The following GPR89A variants were observed in gnomAD, a reference collection of about 807,000 sequenced individuals.
The protein encoded by GPR89A is golgi pH regulator A.
Under a neutral mutation model 52.0 loss-of-function variants are expected in GPR89A, and 16 were observed. The ratio of observed to expected loss-of-function variants is 0.31; its 90% CI spans 0.21 to 0.47. The LOEUF is 0.47. Among genes scored for constraint, GPR89A ranks in the 20% least tolerant of loss-of-function variants. The pLI is 1.00. For synonymous variants in GPR89A, 55 were observed against 150.9 expected (o/e 0.36, Z 4.66); for missense variants, 135 against 449.4 (o/e 0.30, Z 6.33).
chr1:145,613,152 C>T (rs1265092207), intron 1 of GPR89A, among the ~76,000 whole-genome samples: 3 of 151,068 alleles, frequency 2.0e-5, no homozygotes, highest in African/African-American at 7.4e-5. Context: ...CCCTCAGGCC[C>T]TTAGTGTGTT....
chr1:145,660,529 T>C (rs1652119748), intron 10 of GPR89A, among the ~76,000 whole-genome samples: 1 of 151,706 alleles, frequency 6.6e-6, no homozygotes, highest in Non-Finnish European at 1.5e-5. Context: ...ACCTACAGAA[T>C]GGGAGAAAAT....
intron 7 of GPR89A, among the ~76,000 whole-genome samples, chr1:145,642,811 A>T (rs587755743): frequency 6.6e-6 from 1 of 151,356 alleles, no homozygotes; most frequent in South Asian, 2.1e-4. Flanking sequence ...TAAACCCTTT[A>T]AATCAATTAT....
rs1319931457 is a variant in GPR89A at position 145,619,887 on chromosome 1, C to T, written c.206+1464C>T. Among the ~76,000 whole-genome samples the T allele has an allele frequency of 5.3e-5, 8 of 151,926 alleles. No individual in the cohort carries two copies. The South Asian group carries it at 6.2e-4, about 12-fold the overall frequency. The stretch of plus-strand genomic sequence containing the variant: ...AAAATTAGCTGGGCGTGGTGGTGGG[C>T]GCCTGTAGTCCCAGCTACTTGGGGG... On this transcript the variant is annotated intron_variant, in intron 3 of 13. Coordinates refer to ENST00000313835, the MANE Select transcript of GPR89A (RefSeq NM_001097612.2).
At chr1:145,626,009 G>A (rs1238672495) in intron 5 of GPR89A, among the ~76,000 whole-genome samples, 1 of 150,308 alleles carries the variant, frequency 6.7e-6, no homozygotes, top group Admixed American at 6.6e-5. Context: ...AGTGGTAGAT[G>A]AGTTTACTAC....
At position 145,648,821 on chromosome 1, in the gene GPR89A, A is replaced by T. The variant is rs1553693088; in HGVS notation, c.909+1554A>T. ...TTCTTTTTTTTTTTTTTTTTTGTTG[A>T]AGACGGAGTCTCTCTCTGTCTCCCA... On this transcript the variant is annotated intron_variant, in intron 10 of 13. Coordinates refer to ENST00000313835, the MANE Select transcript of GPR89A (RefSeq NM_001097612.2). Among the ~76,000 whole-genome samples, 6 of 13,448 alleles carry T rather than the reference A, an allele frequency of 4.5e-4. No individual in the cohort carries two copies. In the East Asian group the frequency reaches 7.1e-3, roughly 16 times the overall value. 8.8% of individuals were successfully genotyped at this position (13,448 alleles called of 152,430 possible). A position where few individuals can be genotyped will look rare whatever the true frequency, so the allele number is the denominator to read the frequency against.
intron 1 of GPR89A, among the ~76,000 whole-genome samples, chr1:145,609,964 T>C (rs1648135469): frequency 6.6e-6 from 1 of 152,216 alleles, no homozygotes; most frequent in African/African-American, 2.4e-5. Flanking sequence ...CCATTTCGGC[T>C]GCCTTCTTCC....
chr1:145,661,699 T>C, intron 10 of GPR89A, among the ~76,000 whole-genome samples: 1 of 151,088 alleles, frequency 6.6e-6, no homozygotes. Flanking sequence ...TTTCTTCTGC[T>C]TATTTTGAGT....
At chr1:145,653,006 A>G (rs1553693832) in intron 10 of GPR89A, among the ~76,000 whole-genome samples, 1 of 122,504 alleles carries the variant, frequency 8.2e-6, no homozygotes, top group Non-Finnish European at 1.6e-5. Context: ...GTTATTTCTT[A>G]TATTCTGCTA....
At chr1:145,665,470 C>G (rs1652492551) in intron 11 of GPR89A, 92 bp from the exon 12 acceptor site, 2 of 1,567,776 alleles carry the variant, frequency 1.3e-6, no homozygotes, top group Middle Eastern at 4.6e-4. Context: ...AAAGCTCCCT[C>G]TCACAGTCAT....
chr1:145,615,499 AC>A (rs1474585768), intron 1 of GPR89A, among the ~76,000 whole-genome samples: 4 of 150,654 alleles, frequency 2.7e-5, no homozygotes, highest in Admixed American at 2.6e-4. Flanking sequence ...ACACCCCACC[AC>A]CCCCAGCTAA....
chr1:145,614,627 C>T (rs1553686665), intron 1 of GPR89A, among the ~76,000 whole-genome samples: 2 of 151,286 alleles, frequency 1.3e-5, no homozygotes, highest in Non-Finnish European at 3.0e-5. Flanking sequence ...TTTTTGTCCT[C>T]ATAGAGCTTA....
intron 10 of GPR89A, among the ~76,000 whole-genome samples, chr1:145,655,484 G>A (rs587759367): frequency 1.3e-5 from 2 of 152,074 alleles, no homozygotes; most frequent in African/African-American, 2.4e-5. Flanking sequence ...TGGGGTTTTT[G>A]TGGGGTCTTT....
At chr1:145,611,701 A>G (rs1166767676) in intron 1 of GPR89A, 1 of 149,176 alleles carries the variant, frequency 6.7e-6, no homozygotes, top group Non-Finnish European at 1.5e-5. Context: ...TTTTTTAATC[A>G]TCCATTTCCA....
rs587617697 is a variant in GPR89A, at chr1:145,613,821, C to G, written c.43-2413C>G. 4.6e-5 allele frequency among the ~76,000 whole-genome samples: 7 copies of G among 151,622 alleles called. No individual in the cohort carries two copies. The East Asian group carries it at 9.7e-4, about 21-fold the overall frequency. Reference sequence around the variant, plus strand: ...TTTTGTTTTGAGACAGGGTTTCGCTCTGTCACCCAGGCTGGAATGCAGTGA... The same window carrying G: ...TTTTGTTTTGAGACAGGGTTTCGCTGTGTCACCCAGGCTGGAATGCAGTGA... On this transcript the variant is annotated intron_variant, in intron 1 of 13. Coordinates refer to ENST00000313835, the MANE Select transcript of GPR89A (RefSeq NM_001097612.2).
Position 145,646,682 on chromosome 1 carries a change from T to C in GPR89A, c.816+410T>C, listed in dbSNP as rs1209685675. The C allele has an allele frequency of 3.5e-5, 8 of 230,124 alleles. No homozygotes were observed. In the South Asian group the frequency reaches 3.8e-4, roughly 11 times the overall value. 14.3% of individuals were successfully genotyped at this position (230,124 alleles called of 1,614,324 possible). A position where few individuals can be genotyped will look rare whatever the true frequency, so the allele number is the denominator to read the frequency against. ...TCCAGGTCAATAAGTGTCGAAACTGTAAGAAGTAACTTTCCTATGTACACC... is the reference window on the plus strand; with the variant it reads ...TCCAGGTCAATAAGTGTCGAAACTGCAAGAAGTAACTTTCCTATGTACACC... On this transcript the variant is annotated intron_variant, in intron 9 of 13. Coordinates refer to ENST00000313835, the MANE Select transcript of GPR89A (RefSeq NM_001097612.2).
intron 10 of GPR89A, among the ~76,000 whole-genome samples, chr1:145,647,865 CTCTCTCTCTCTCTCTATATA>C: frequency 1.2e-5 from 1 of 85,124 alleles, no homozygotes; most frequent in Admixed American, 1.2e-4. Context: ...CTCTCTCTCT[CTCTCTCTCTCTCTCTATATA>C]TATATATATA....
intron 7 of GPR89A, among the ~76,000 whole-genome samples, chr1:145,632,601 T>C (rs1649954906): frequency 1.3e-5 from 2 of 152,258 alleles, no homozygotes; most frequent in Non-Finnish European, 2.9e-5. Context: ...CTGAATAGTA[T>C]TCTGTTGTAC....
chr1:145,669,829 T>A lies in GPR89A; in HGVS notation c.1162-5T>A. The A allele has an allele frequency of 7.1e-7, 1 of 1,403,672 alleles. No homozygotes were observed. Among genetic ancestry groups the A allele is most frequent in the South Asian group, 1.2e-5 (1 of 85,842 alleles). 87.0% of individuals were successfully genotyped at this position (1,403,672 alleles called of 1,614,324 possible). A position where few individuals can be genotyped will look rare whatever the true frequency, so the allele number is the denominator to read the frequency against. ...CACTTCTGGATTAATTCATTTGACT[T>A]ACAGGGCATGTACTTTGTCTCCTCT... On this transcript the variant is annotated splice_region_variant and splice_polypyrimidine_tract_variant and intron_variant, in intron 13 of 13. Transcript: ENST00000313835.
intron 10 of GPR89A, among the ~76,000 whole-genome samples, chr1:145,656,107 G>A (rs1651787609): frequency 6.6e-6 from 1 of 152,096 alleles, no homozygotes; most frequent in African/African-American, 2.4e-5. Flanking sequence ...AATTCCTCCT[G>A]GTCCAAACCA....
Sources: gnomAD v4.1 joint callset for allele counts (sites outside exome capture counted in the v4.1 genomes callset) on GRCh38, gnomAD v4.1.1 for gene constraint, MANE v1.5 for transcripts, NCBI Gene and HGNC (gene_info 2026-07-23, HGNC 2026-07-21) for gene names.